Variants in KCNQ5 observed in about 807,000 individuals in gnomAD.
KCNQ5 encodes potassium voltage-gated channel subfamily KQT member 5.
Under a neutral mutation model 98.2 loss-of-function variants are expected in KCNQ5, and 30 were observed. The observed-to-expected ratio is 0.31, with a 90% confidence interval of 0.23 to 0.41. The LOEUF is 0.41. Among genes scored for constraint, KCNQ5 ranks in the 10% least tolerant of loss-of-function variants. The pLI, the probability that KCNQ5 is intolerant of heterozygous loss-of-function variation, is 1.00. For synonymous variants in KCNQ5, 458 were observed against 449.4 expected (o/e 1.02, Z -0.24); for missense variants, 835 against 1,182.5 (o/e 0.71, Z 4.31).
intron 1 of KCNQ5, among the ~76,000 whole-genome samples, chr6:72,705,269 G>A (rs561850397): frequency 1.3e-4 from 20 of 152,236 alleles, no homozygotes; most frequent in African/African-American, 4.3e-4. Context: ...AATTCACTGC[G>A]TGTCTGTCAG....
rs563691120 is a variant in KCNQ5, at chr6:72,665,607, A to G, written c.398+43020A>G. On this transcript the variant is annotated intron_variant, in intron 1 of 13. Transcript: ENST00000370398. ...AAATCAGGACTCACATGGGGGCATTAGAAGCACAGTCTCTGCCCAAAGCAA... is the reference window on the plus strand; with the variant it reads ...AAATCAGGACTCACATGGGGGCATTGGAAGCACAGTCTCTGCCCAAAGCAA... Among the ~76,000 whole-genome samples, 20 of 152,322 alleles carry G rather than the reference A, an allele frequency of 1.3e-4. 1 individual carries two copies. The South Asian group carries it at 3.5e-3, about 27-fold the overall frequency.
At chr6:72,756,531 G>C (rs950354542) in intron 1 of KCNQ5, among the ~76,000 whole-genome samples, 55 of 152,098 alleles carry the variant, frequency 3.6e-4, no homozygotes, top group African/African-American at 1.2e-3. Flanking sequence ...TCATCTATTA[G>C]TAAGTTGTAG....
chr6:73,170,169 T>A lies in KCNQ5; in HGVS notation c.1577+315T>A, dbSNP rs535376299. ...AGTTTATTGATGCAATTGGATTTTT[T>A]AATTATTTTTATGACTTGCTCCAAT... is the stretch of plus-strand genomic sequence containing the variant. On this transcript the variant is annotated intron_variant, in intron 11 of 13. Transcript: ENST00000370398. Among the ~76,000 whole-genome samples, 230 of 152,330 alleles carry A rather than the reference T, an allele frequency of 1.5e-3. 1 individual carries two copies. Among genetic ancestry groups the A allele is most frequent in the African/African-American group, 5.3e-3 (220 of 41,582 alleles).
intron 1 of KCNQ5, among the ~76,000 whole-genome samples, chr6:72,969,486 C>T (rs748893418): frequency 3.3e-5 from 5 of 152,114 alleles, no homozygotes; most frequent in Admixed American, 6.6e-5. Context: ...GGTGCCTCCT[C>T]CCCTAGGTAG....
intron 1 of KCNQ5, among the ~76,000 whole-genome samples, chr6:72,764,472 T>C (rs1772460711): frequency 1.3e-5 from 2 of 151,966 alleles, no homozygotes; most frequent in Admixed American, 6.6e-5. Flanking sequence ...TCTTCTATTT[T>C]TAATTTTTGT....
At chr6:73,190,368 A>G (rs9341413) in intron 11 of KCNQ5, among the ~76,000 whole-genome samples, 32,552 of 152,086 alleles carry the variant, frequency 0.21, 3,704 homozygotes, top group Middle Eastern at 0.42. Context: ...GTGTTTTTCT[A>G]TTCTTAAGGT....
At chr6:73,150,984 G>A (rs1471417815) in intron 10 of KCNQ5, among the ~76,000 whole-genome samples, 3 of 152,044 alleles carry the variant, frequency 2.0e-5, no homozygotes, top group South Asian at 2.1e-4. Flanking sequence ...TTGTGGTGAC[G>A]GAAATGTCTA....
At chr6:72,653,636 G>A (rs569111670) in intron 1 of KCNQ5, among the ~76,000 whole-genome samples, 1 of 152,164 alleles carries the variant, frequency 6.6e-6, no homozygotes, top group East Asian at 1.9e-4. Context: ...CAGTCCAAAT[G>A]TGTGCTAAAT....
chr6:73,049,203 T>C (rs1011879413), intron 3 of KCNQ5, among the ~76,000 whole-genome samples: 2 of 152,328 alleles, frequency 1.3e-5, no homozygotes, highest in South Asian at 2.1e-4. Context: ...CAGTGCATAG[T>C]TGATTGCAGT....
At chr6:72,707,593 T>G (rs1769155486) in intron 1 of KCNQ5, among the ~76,000 whole-genome samples, 1 of 152,252 alleles carries the variant, frequency 6.6e-6, no homozygotes, top group Non-Finnish European at 1.5e-5. Flanking sequence ...ATTTATTTCA[T>G]GATCCTTGAA....
At chr6:73,023,381 A>C (rs1466664429) in intron 2 of KCNQ5, among the ~76,000 whole-genome samples, 1 of 152,170 alleles carries the variant, frequency 6.6e-6, no homozygotes, top group African/African-American at 2.4e-5. Context: ...ATCAGAAGGT[A>C]CTGGAAATAT....
At chr6:73,073,307 T>C (rs967189531) in intron 3 of KCNQ5, among the ~76,000 whole-genome samples, 35 of 152,174 alleles carry the variant, frequency 2.3e-4, no homozygotes, top group African/African-American at 6.8e-4. Context: ...ACTACATAGG[T>C]TGGCTTGAAG....
chr6:72,744,099 C>T (rs928943550), intron 1 of KCNQ5, among the ~76,000 whole-genome samples: 7 of 152,112 alleles, frequency 4.6e-5, no homozygotes, highest in African/African-American at 1.7e-4. Flanking sequence ...AAACATTCTT[C>T]CAGAAATGAT....
chr6:73,092,919 G>A (rs1774315319), intron 5 of KCNQ5, among the ~76,000 whole-genome samples: 1 of 152,110 alleles, frequency 6.6e-6, no homozygotes, highest in Non-Finnish European at 1.5e-5. Flanking sequence ...GGTGATACTG[G>A]CTTCATAGAA....
chr6:72,695,304 T>C (rs1025431933), intron 1 of KCNQ5, among the ~76,000 whole-genome samples: 3 of 152,196 alleles, frequency 2.0e-5, no homozygotes, highest in African/African-American at 7.2e-5. Flanking sequence ...AGGACCTTAG[T>C]TTTTACCTAA....
At chr6:72,960,192 T>A (rs1003456547) in intron 1 of KCNQ5, among the ~76,000 whole-genome samples, 1 of 152,174 alleles carries the variant, frequency 6.6e-6, no homozygotes, top group African/African-American at 2.4e-5. Context: ...AATGATCCCA[T>A]GGCCATTCCA....
At chr6:73,116,416 C>T (rs1345947121) in intron 7 of KCNQ5, among the ~76,000 whole-genome samples, 2 of 152,126 alleles carry the variant, frequency 1.3e-5, no homozygotes, top group African/African-American at 2.4e-5. Context: ...CTGCAACCCC[C>T]GCACTTTGAG....
At chr6:73,189,102 T>C (rs1454188108) in intron 11 of KCNQ5, among the ~76,000 whole-genome samples, 1 of 152,146 alleles carries the variant, frequency 6.6e-6, no homozygotes, top group Non-Finnish European at 1.5e-5. Flanking sequence ...TGTAACATAT[T>C]TTGTTATTTT....
intron 13 of KCNQ5, 93 bp from the exon 14 acceptor site, chr6:73,194,359 G>T: frequency 9.1e-7 from 1 of 1,101,320 alleles, no homozygotes; most frequent in Non-Finnish European, 1.3e-6. Flanking sequence ...TAAATGTGTT[G>T]GCACACCTTG....
Sources: allele counts gnomAD v4.1 joint callset (sites outside exome capture counted in the v4.1 genomes callset), GRCh38; gene constraint gnomAD v4.1.1; transcripts MANE v1.5; gene names NCBI Gene and HGNC (gene_info 2026-07-23, HGNC 2026-07-21).